ATXN7: variants seen among roughly 807,000 people sequenced by gnomAD.
ATXN7 encodes the protein ataxin-7.
In ATXN7, 12 loss-of-function variants were observed where a neutral mutation model predicts 70.5. The observed-to-expected ratio is 0.17, with a 90% CI of 0.11 to 0.28. ATXN7 has a LOEUF of 0.28. Among genes scored for constraint, ATXN7 ranks in the 10% least tolerant of loss-of-function variants. The pLI is 1.00. For synonymous variants in ATXN7, 498 were observed against 448.7 expected, an observed-to-expected ratio of 1.11 and a Z score of -1.39; for missense variants, 1,256 against 1,131.7, an observed-to-expected ratio of 1.11 and a Z score of -1.58.
At chr3:63,982,914 T>C in intron 7 of ATXN7, 25 bp from the exon 8 acceptor site, 1 of 1,588,116 alleles carries the variant, frequency 6.3e-7, no homozygotes, top group Non-Finnish European at 8.6e-7. Context: ...TCAGGCCACA[T>C]GTAATGCCTG....
intron 12 of ATXN7, chr3:63,998,051 A>G: frequency 4.1e-6 from 4 of 985,422 alleles, no homozygotes; most frequent in Non-Finnish European, 4.8e-6. Flanking sequence ...CGATTCTTCA[A>G]CGCACCGTCT....
chr3:63,913,782 A>G (rs977777095), intron 4 of ATXN7, among the ~76,000 whole-genome samples: 8 of 152,196 alleles, frequency 5.3e-5, no homozygotes, highest in Non-Finnish European at 7.3e-5. Flanking sequence ...ATTTGGTCAA[A>G]TAAGCCTTTA....
intron 5 of ATXN7, among the ~76,000 whole-genome samples, chr3:63,968,881 G>T (rs1402830762): frequency 6.6e-6 from 1 of 152,178 alleles, no homozygotes; most frequent in Non-Finnish European, 1.5e-5. Context: ...TGACCGGAAG[G>T]TTTTAATTGA....
chr3:63,919,756 C>T (rs1704433532), intron 4 of ATXN7, among the ~76,000 whole-genome samples: 1 of 109,344 alleles, frequency 9.1e-6, no homozygotes, highest in Non-Finnish European at 1.8e-5. Context: ...CCCCCTCCCC[C>T]CACCCCACAA....
chr3:63,978,538 C>G (rs558973085), intron 5 of ATXN7, among the ~76,000 whole-genome samples: 1 of 152,260 alleles, frequency 6.6e-6, no homozygotes, highest in African/African-American at 2.4e-5. Context: ...CTTCAGATGC[C>G]AAATTTGGAA....
intron 11 of ATXN7, among the ~76,000 whole-genome samples, chr3:63,994,887 C>G (rs1411174441): frequency 6.6e-6 from 1 of 152,246 alleles, no homozygotes; most frequent in Non-Finnish European, 1.5e-5. Context: ...ACCTTGCCCA[C>G]ACATTCTTAA....
At chr3:63,866,223 T>C (rs1460702892) in intron 1 of ATXN7, among the ~76,000 whole-genome samples, 1 of 152,190 alleles carries the variant, frequency 6.6e-6, no homozygotes. Flanking sequence ...GTTTGAGCTG[T>C]ACCTGAAAAT....
rs1314879293 is a variant in ATXN7, at chr3:64,001,855, T to A, written c.*2388T>A. 1 of 152,188 alleles carries A rather than the reference T, an allele frequency of 6.6e-6. No individual in the cohort carries two copies. The allele number at this position is 152,188 out of a possible 1,614,324, so 9.4% of individuals were successfully genotyped here. On this transcript the variant is annotated 3_prime_UTR_variant, in exon 13 of 13. Coordinates refer to ENST00000674280, the MANE Select transcript of ATXN7 (RefSeq NM_001377405.1). ...CATTTAAAACACGGGAGTACAAGTA[T>A]TTTTTTGAATTAAATTAACTTGCAA...
chr3:63,882,536 C>T (rs1310533159), intron 1 of ATXN7, among the ~76,000 whole-genome samples: 1 of 151,922 alleles, frequency 6.6e-6, no homozygotes, highest in East Asian at 1.9e-4. Context: ...AGACATGTGC[C>T]ACCATGCCCA....
At chr3:63,985,475 CA>C in intron 8 of ATXN7, among the ~76,000 whole-genome samples, 1 of 152,300 alleles carries the variant, frequency 6.6e-6, no homozygotes, top group Non-Finnish European at 1.5e-5. Flanking sequence ...ATTGTTTTGT[CA>C]GTTCTTTTCC....
chr3:63,892,481 ACACACACACACACC>A (rs1221913435), intron 1 of ATXN7, among the ~76,000 whole-genome samples: 3 of 147,880 alleles, frequency 2.0e-5, no homozygotes, highest in Admixed American at 6.7e-5. Flanking sequence ...ACACACACAC[ACACACACACACACC>A]CACACACACA....
chr3:63,895,171 C>A (rs114948699), intron 1 of ATXN7, among the ~76,000 whole-genome samples: 1 of 152,140 alleles, frequency 6.6e-6, no homozygotes. Context: ...CTTGGTTTAG[C>A]CTTTTTTCTT....
At chr3:63,892,061 T>C (rs1703283964) in intron 1 of ATXN7, among the ~76,000 whole-genome samples, 2 of 152,150 alleles carry the variant, frequency 1.3e-5, no homozygotes, top group Admixed American at 6.5e-5. Context: ...AACAAGACAG[T>C]GCATGTACAG....
At chr3:63,979,607 A>G (rs572678109) in intron 5 of ATXN7, among the ~76,000 whole-genome samples, 1 of 152,170 alleles carries the variant, frequency 6.6e-6, no homozygotes, top group Non-Finnish European at 1.5e-5. Flanking sequence ...AATGAGGTTC[A>G]TTTTTAGCAC....
At chr3:63,953,853 G>A (rs900364233) in intron 5 of ATXN7, among the ~76,000 whole-genome samples, 2 of 151,924 alleles carry the variant, frequency 1.3e-5, no homozygotes, top group African/African-American at 4.8e-5. Flanking sequence ...TCACCATGTT[G>A]GCCAGGCTGG....
At position 63,990,277 on chromosome 3, in the gene ATXN7, C is replaced by G. The variant is rs370490843; in HGVS notation, c.1463C>G (p.Ser488Cys). 1 of 1,614,170 alleles carries G rather than the reference C, an allele frequency of 6.2e-7. No homozygotes were observed. Among genetic ancestry groups the G allele is most frequent in the African/African-American group, 1.3e-5 (1 of 75,040 alleles). Residue 488 changes from serine to cysteine, a missense_variant, in exon 10 of 13, where the codon TCT (serine) becomes TGT (cysteine). Transcript: ENST00000674280. Reference sequence around the variant, plus strand: ...CCCCTGCCTGCCACTGAGCCAGCTTCTCGGTTATCCAGTGAGGAGGGCGAA... The same window carrying G: ...CCCCTGCCTGCCACTGAGCCAGCTTGTCGGTTATCCAGTGAGGAGGGCGAA... ...HPPLPATEPA[S>C]RLSSEEGEGD...
chr3:63,943,641 A>T (rs1387141944), intron 4 of ATXN7, among the ~76,000 whole-genome samples: 1 of 152,188 alleles, frequency 6.6e-6, no homozygotes, highest in African/African-American at 2.4e-5. Flanking sequence ...GGTATAGGCT[A>T]GTAAGTGGCA....
chr3:63,885,348 A>G (rs148366193), intron 1 of ATXN7, among the ~76,000 whole-genome samples: 2 of 152,294 alleles, frequency 1.3e-5, no homozygotes, highest in African/African-American at 2.4e-5. Context: ...AAGATGCTCA[A>G]TATCACTAAT....
At position 63,995,524 on chromosome 3, in the gene ATXN7, A is replaced by G. The variant is rs1457278341; in HGVS notation, c.1702A>G (p.Ser568Gly). ...TTTCAGGAAAATCCCACCAGTGCCC[A>G]GTACCACCTCACCCATCTCCACACG... ...QLWKKIPPVP[S>G]TTSPISTRIP... The change falls in exon 12 of 13, where the codon AGT (serine) becomes GGT (glycine). Residue 568 changes from serine (S) to glycine (G), a missense_variant. Coordinates refer to ENST00000674280, the MANE Select transcript of ATXN7 (RefSeq NM_001377405.1). 12 of 1,614,010 alleles carry G rather than the reference A, an allele frequency of 7.4e-6. No individual in the cohort carries two copies. Among genetic ancestry groups the G allele is most frequent in the South Asian group, 3.3e-5 (3 of 91,072 alleles).
Sources: allele counts gnomAD v4.1 joint callset (sites outside exome capture counted in the v4.1 genomes callset), GRCh38; gene constraint gnomAD v4.1.1; transcripts MANE v1.5; gene names NCBI Gene and HGNC (gene_info 2026-07-23, HGNC 2026-07-21).